Variants in CHST11 observed in about 807,000 individuals in gnomAD.
CHST11 encodes C4S-1.
Under a neutral mutation model 30.4 loss-of-function variants are expected in CHST11, and 9 were observed. The ratio of observed to expected loss-of-function variants is 0.30; its 90% CI spans 0.18 to 0.52. CHST11 has a LOEUF of 0.52. Among genes scored for constraint, CHST11 ranks in the 20% least tolerant of loss-of-function variants. The pLI is 0.97. For synonymous variants in CHST11, 152 were observed against 187.8 expected (o/e 0.81, Z 1.56); for missense variants, 348 against 460.6 (o/e 0.76, Z 2.24).
chr12:104,712,137 G>A (rs115530168), intron 2 of CHST11, among the ~76,000 whole-genome samples: 2,211 of 152,228 alleles, frequency 0.015, 47 homozygotes, highest in African/African-American at 0.049. Context: ...TGCAGAAGGC[G>A]CGGGGTGAGC....
chr12:104,760,444 A>G lies in CHST11; in HGVS notation c.*2641A>G, dbSNP rs2136152175. The G allele has an allele frequency of 6.6e-6, 1 of 152,416 alleles. No homozygotes were observed. Among genetic ancestry groups the G allele is most frequent in the Middle Eastern group, 3.4e-3 (1 of 294 alleles). The allele number at this position is 152,416 out of a possible 1,614,324, so 9.4% of individuals were successfully genotyped here. ...GAAGAGAGGAGAGGGTGAGTGGGGT[A>G]TAGGGCCCAGGGTGGCTCCCTACTC... On this transcript the variant is annotated 3_prime_UTR_variant, in exon 3 of 3. Coordinates refer to ENST00000303694, the MANE Select transcript of CHST11 (RefSeq NM_018413.6).
At chr12:104,534,189 A>G (rs529949894) in intron 1 of CHST11, among the ~76,000 whole-genome samples, 1 of 152,248 alleles carries the variant, frequency 6.6e-6, no homozygotes, top group Non-Finnish European at 1.5e-5. Flanking sequence ...GCAAAATGAC[A>G]TATTTCAGCG....
chr12:104,616,527 G>A (rs1018665446), intron 2 of CHST11, among the ~76,000 whole-genome samples: 2 of 151,268 alleles, frequency 1.3e-5, no homozygotes, highest in African/African-American at 4.9e-5. Flanking sequence ...GTGCAGTGGC[G>A]CAATCTTGGC....
rs562565680 is a variant in CHST11 at position 104,550,887 on chromosome 12, C to T, written c.119-51019C>T. Among the ~76,000 whole-genome samples, 6 of 152,296 alleles carry T rather than the reference C, an allele frequency of 3.9e-5. No homozygotes were observed. The South Asian group carries it at 1.2e-3, about 32-fold the overall frequency. ...TGAACTTCTCACTCAGTGATGTCCACGTCTTTTGTGTTAGCCGGCTGGCTA... is the reference window on the plus strand; with the variant it reads ...TGAACTTCTCACTCAGTGATGTCCATGTCTTTTGTGTTAGCCGGCTGGCTA... On this transcript the variant is annotated intron_variant, in intron 1 of 2. Transcript: ENST00000303694.
At chr12:104,717,617 C>A (rs994797876) in intron 2 of CHST11, among the ~76,000 whole-genome samples, 3 of 152,064 alleles carry the variant, frequency 2.0e-5, no homozygotes, top group African/African-American at 4.8e-5. Flanking sequence ...ACTAAAAATA[C>A]AAAAATTAGA....
chr12:104,620,242 A>T (rs949824654), intron 2 of CHST11, among the ~76,000 whole-genome samples: 2 of 152,168 alleles, frequency 1.3e-5, no homozygotes, highest in Admixed American at 6.5e-5. Context: ...AGAACAGTTA[A>T]TCTCAGTTCA....
At chr12:104,595,214 A>G (rs1592784612) in intron 1 of CHST11, among the ~76,000 whole-genome samples, 1 of 152,150 alleles carries the variant, frequency 6.6e-6, no homozygotes, top group Non-Finnish European at 1.5e-5. Flanking sequence ...GCTTCTATAT[A>G]AGGTTTTTTT....
chr12:104,593,020 T>C (rs2038875584), intron 1 of CHST11, among the ~76,000 whole-genome samples: 1 of 152,216 alleles, frequency 6.6e-6, no homozygotes, highest in African/African-American at 2.4e-5. Context: ...CTGGAAGGCT[T>C]CCATGTCAGT....
chr12:104,741,563 T>G (rs2040347345), intron 2 of CHST11, among the ~76,000 whole-genome samples: 1 of 152,198 alleles, frequency 6.6e-6, no homozygotes, highest in Non-Finnish European at 1.5e-5. Context: ...TAATACATAT[T>G]AATAGCTAAT....
chr12:104,609,904 T>C (rs1333677857), intron 2 of CHST11, among the ~76,000 whole-genome samples: 3 of 152,208 alleles, frequency 2.0e-5, no homozygotes, highest in Non-Finnish European at 4.4e-5. Context: ...AATAATAAGA[T>C]GGATGATTTC....
chr12:104,708,977 T>C (rs1287739903), intron 2 of CHST11, among the ~76,000 whole-genome samples: 1 of 151,174 alleles, frequency 6.6e-6, no homozygotes, highest in Non-Finnish European at 1.5e-5. Context: ...AGAAAGGTCA[T>C]GGGGCAAGGA....
At chr12:104,504,085 A>G (rs1315115227) in intron 1 of CHST11, among the ~76,000 whole-genome samples, 1 of 152,166 alleles carries the variant, frequency 6.6e-6, no homozygotes, top group Non-Finnish European at 1.5e-5. Flanking sequence ...TTTCTCCATC[A>G]AGATAATCAT....
At chr12:104,513,565 T>C (rs2037991191) in intron 1 of CHST11, among the ~76,000 whole-genome samples, 1 of 152,220 alleles carries the variant, frequency 6.6e-6, no homozygotes, top group African/African-American at 2.4e-5. Context: ...TTCTGTGTCA[T>C]TAACTTTTTC....
chr12:104,628,607 T>A (rs1328925890), intron 2 of CHST11, among the ~76,000 whole-genome samples: 1 of 152,178 alleles, frequency 6.6e-6, no homozygotes, highest in East Asian at 1.9e-4. Flanking sequence ...ATCATTTCAA[T>A]AGAGCTGGCC....
intron 2 of CHST11, among the ~76,000 whole-genome samples, chr12:104,751,259 G>A (rs1036840425): frequency 1.4e-4 from 22 of 152,252 alleles, no homozygotes; most frequent in African/African-American, 5.3e-4. Context: ...GGAGGGTGAT[G>A]AGGGGGAGAT....
At chr12:104,494,898 T>C (rs987617302) in intron 1 of CHST11, among the ~76,000 whole-genome samples, 7 of 152,232 alleles carry the variant, frequency 4.6e-5, no homozygotes, top group African/African-American at 1.7e-4. Flanking sequence ...TTCATACTGT[T>C]GTGCAACAGA....
Position 104,457,162 on chromosome 12 carries a change from A to C in CHST11, c.-250A>C. The C allele has an allele frequency of 3.2e-6, 1 of 314,396 alleles. No individual in the cohort carries two copies. The highest frequency in any genetic ancestry group is 4.9e-5 in the East Asian group (1 of 20,374). The allele number at this position is 314,396 out of a possible 1,614,324, so 19.5% of individuals were successfully genotyped here. A position where few individuals can be genotyped will look rare whatever the true frequency, so the allele number is the denominator to read the frequency against. On this transcript the variant is annotated 5_prime_UTR_variant, in exon 1 of 3. Coordinates refer to ENST00000303694, the MANE Select transcript of CHST11 (RefSeq NM_018413.6). ...CGGAGGAGGCGGCGGAGCGGCGAGGAGGAGGAGCAGGAGCGCGCAGCCAGC... is the reference window on the plus strand; with the variant it reads ...CGGAGGAGGCGGCGGAGCGGCGAGGCGGAGGAGCAGGAGCGCGCAGCCAGC...
intron 1 of CHST11, among the ~76,000 whole-genome samples, chr12:104,551,599 T>C (rs1413332002): frequency 2.0e-5 from 3 of 152,170 alleles, no homozygotes; most frequent in Non-Finnish European, 2.9e-5. Flanking sequence ...GCATCCTCTC[T>C]GTGAAAAGAC....
intron 1 of CHST11, among the ~76,000 whole-genome samples, chr12:104,584,836 C>T (rs78524149): frequency 0.024 from 3,587 of 152,228 alleles, 155 homozygotes; most frequent in African/African-American, 0.081. Context: ...AACATCTTTG[C>T]GCGTCCATCT....
Sources: allele counts gnomAD v4.1 joint callset (sites outside exome capture counted in the v4.1 genomes callset), GRCh38; gene constraint gnomAD v4.1.1; transcripts MANE v1.5; gene names NCBI Gene and HGNC (gene_info 2026-07-23, HGNC 2026-07-21).